Variants in ANKRD42 observed in about 807,000 individuals in gnomAD.
The protein encoded by ANKRD42 is ankyrin repeat domain-containing protein 42.
Under a neutral mutation model 51.5 loss-of-function variants are expected in ANKRD42, and 43 were observed. The observed-to-expected ratio is 0.83, with a 90% CI of 0.65 to 1.08. ANKRD42 has a LOEUF of 1.08. Ranked by LOEUF, ANKRD42 falls within the 50% of genes least tolerant of loss-of-function variation. The probability of loss-of-function intolerance (pLI) is 0.00; values close to 1 mark genes in which losing one functional copy is unlikely to be tolerated. For synonymous variants in ANKRD42, 203 were observed against 213.0 expected, an observed-to-expected ratio of 0.95 and a Z score of 0.41; for missense variants, 608 against 629.3, an observed-to-expected ratio of 0.97 and a Z score of 0.36.
chr11:83,236,471 C>T lies in ANKRD42; in HGVS notation c.981C>T (p.Thr327=). 6.2e-7 allele frequency: 1 copy of T among 1,611,794 alleles called. No homozygotes were observed. The highest frequency in any genetic ancestry group is 8.5e-7 in the Non-Finnish European group (1 of 1,179,226). ...AAATGGGAGCAGACAGTAATATTAC[C>T]AACAAAGCAGGGGAGAGACCCAGTG... ...LIKMGADSNI[T]NKAGERPSDV... is the part of the protein sequence containing the mutation. Residue 327 remains threonine (T), a synonymous_variant, in exon 8 of 11, where the codon ACC becomes ACT. Coordinates refer to ENST00000533342, the MANE Select transcript of ANKRD42 (RefSeq NM_001300975.2).
At chr11:83,240,525 A>G (rs1863354460) in intron 8 of ANKRD42, among the ~76,000 whole-genome samples, 1 of 152,204 alleles carries the variant, frequency 6.6e-6, no homozygotes, top group African/African-American at 2.4e-5. Flanking sequence ...TTTGCCAATA[A>G]AAATTATGGA....
chr11:83,229,657 T>C (rs1863007592), intron 7 of ANKRD42, among the ~76,000 whole-genome samples: 1 of 152,154 alleles, frequency 6.6e-6, no homozygotes, highest in Non-Finnish European at 1.5e-5. Flanking sequence ...AAGGTGTTTT[T>C]AATATAGATG....
chr11:83,217,684 G>C (rs922467845), intron 5 of ANKRD42, among the ~76,000 whole-genome samples: 1 of 152,202 alleles, frequency 6.6e-6, no homozygotes, highest in African/African-American at 2.4e-5. Flanking sequence ...CTGGCCCAGA[G>C]GGCCTTTGTC....
chr11:83,257,044 A>G (rs773329062), downstream of ANKRD42, among the ~76,000 whole-genome samples: 9 of 152,212 alleles, frequency 5.9e-5, no homozygotes, highest in Non-Finnish European at 1.0e-4. Context: ...TATAGATTGA[A>G]AGCCACAGAA....
intron 6 of ANKRD42, among the ~76,000 whole-genome samples, chr11:83,225,772 C>A (rs1156842741): frequency 9.4e-6 from 1 of 106,742 alleles, no homozygotes; most frequent in Non-Finnish European, 1.7e-5. Context: ...AAGAGCGAAA[C>A]TCCATCCTGG....
chr11:83,200,504 AATC>A (rs1279551997), intron 2 of ANKRD42, among the ~76,000 whole-genome samples: 2 of 152,190 alleles, frequency 1.3e-5, no homozygotes, highest in Non-Finnish European at 2.9e-5. Context: ...ATAGCCTTTG[AATC>A]ATCATTGAGT....
chr11:83,254,935 A>G (rs1265523362), intron 11 of ANKRD42, among the ~76,000 whole-genome samples: 1 of 152,162 alleles, frequency 6.6e-6, no homozygotes, highest in East Asian at 1.9e-4. Context: ...CCTACTCTCA[A>G]GTTTGCAGCT....
chr11:83,242,195 G>A (rs1267382636), intron 9 of ANKRD42, among the ~76,000 whole-genome samples: 2 of 151,982 alleles, frequency 1.3e-5, no homozygotes, highest in Non-Finnish European at 2.9e-5. Flanking sequence ...CCTGGTTCTT[G>A]AAAAAAATCA....
chr11:83,233,619 T>C (rs777695750), intron 7 of ANKRD42, among the ~76,000 whole-genome samples: 12 of 152,208 alleles, frequency 7.9e-5, no homozygotes, highest in Non-Finnish European at 1.5e-4. Context: ...TTTCTTTTAC[T>C]AATTTTGTAT....
intron 9 of ANKRD42, among the ~76,000 whole-genome samples, chr11:83,242,350 C>G (rs1340130770): frequency 1.3e-5 from 2 of 152,006 alleles, no homozygotes; most frequent in African/African-American, 2.4e-5. Flanking sequence ...GCAGGGAAAT[C>G]AGTTAGGGGG....
chr11:83,248,269 C>G lies in ANKRD42; in HGVS notation c.*65C>G. 7.0e-7 allele frequency: 1 copy of G among 1,426,240 alleles called. No homozygotes were observed. Among genetic ancestry groups the G allele is most frequent in the Admixed American group, 2.9e-5 (1 of 34,994 alleles). The allele number at this position is 1,426,240 out of a possible 1,614,324, so 88.3% of individuals were successfully genotyped here. A position where few individuals can be genotyped will look rare whatever the true frequency, so the allele number is the denominator to read the frequency against. On this transcript the variant is annotated 3_prime_UTR_variant, in exon 11 of 11. Coordinates refer to ENST00000533342, the MANE Select transcript of ANKRD42 (RefSeq NM_001300975.2). ...AACTGGAGATGATAACTTATACTTTCTAGAGCTGATGACAGGATTAAAGGA... is the reference window on the plus strand; with the variant it reads ...AACTGGAGATGATAACTTATACTTTGTAGAGCTGATGACAGGATTAAAGGA...
At chr11:83,233,466 T>C (rs1565192464) in intron 7 of ANKRD42, among the ~76,000 whole-genome samples, 1 of 152,186 alleles carries the variant, frequency 6.6e-6, no homozygotes, top group East Asian at 1.9e-4. Flanking sequence ...TATTTGGATC[T>C]TCTCTCTTTT....
At chr11:83,241,066 T>C (rs625102) in intron 9 of ANKRD42, 132 bp downstream of exon 9, 717,551 of 1,050,600 alleles carry the variant, frequency 0.68, 247,894 homozygotes, top group African/African-American at 0.84. Context: ...TTGGAGGAAC[T>C]AGAACTAATA....
At chr11:83,250,879 C>T (rs1462443435), downstream of ANKRD42, among the ~76,000 whole-genome samples, 3 of 152,100 alleles carry the variant, frequency 2.0e-5, no homozygotes. Context: ...CACTGCTTCC[C>T]TAGTTTAGGT....
chr11:83,213,314 A>G lies in ANKRD42; in HGVS notation c.586+1884A>G, dbSNP rs866351943. The G allele has an allele frequency of 1.6e-5, 25 of 1,588,850 alleles. No homozygotes were observed. The South Asian group carries it at 1.7e-4, about 10-fold the overall frequency. On this transcript the variant is annotated intron_variant, in intron 5 of 10. Transcript: ENST00000533342. ...CTGTGCTGAGATGTTTCCTCCAAGA[A>G]CTGCAAAGCCATCGTGGAAAGAGCT...
chr11:83,247,260 G>T (rs1040745245), intron 10 of ANKRD42, among the ~76,000 whole-genome samples: 2 of 151,956 alleles, frequency 1.3e-5, no homozygotes, highest in Non-Finnish European at 2.9e-5. Context: ...GTAGAGATAG[G>T]GTTACACCGT....
At chr11:83,196,396 A>AGTGTGTGTGTGT (rs1428938974) in intron 1 of ANKRD42, among the ~76,000 whole-genome samples, 4 of 133,036 alleles carry the variant, frequency 3.0e-5, no homozygotes, top group African/African-American at 1.1e-4. Flanking sequence ...TGAGTGTGTG[A>AGTGTGTGTGTGT]GAGTGTGTGT....
At chr11:83,262,383 AT>A (rs1459248456), downstream of ANKRD42, among the ~76,000 whole-genome samples, 1 of 152,150 alleles carries the variant, frequency 6.6e-6, no homozygotes, top group Non-Finnish European at 1.5e-5. Context: ...TTTTCAGTAC[AT>A]TTTTAAATAA....
At position 83,211,318 on chromosome 11, in the gene ANKRD42, A is replaced by G. The variant is rs778067929; in HGVS notation, c.474A>G (p.Arg158=). 2 of 1,614,212 alleles carry G rather than the reference A, an allele frequency of 1.2e-6. No individual in the cohort carries two copies. Among genetic ancestry groups the G allele is most frequent in the African/African-American group, 2.7e-5 (2 of 75,058 alleles). ...AGGATCCCAGTGTGACTGATAAGAGAGAATGGAGACCTGTGCATTATGCAG... is the reference window on the plus strand; with the variant it reads ...AGGATCCCAGTGTGACTGATAAGAGGGAATGGAGACCTGTGCATTATGCAG... ...SGVDPSVTDK[R]EWRPVHYAAF... The change falls in exon 5 of 11, where the codon AGA becomes AGG. Residue 158 remains arginine (R), a synonymous_variant. Coordinates refer to ENST00000533342, the MANE Select transcript of ANKRD42 (RefSeq NM_001300975.2).
Sources: gnomAD v4.1 joint callset for allele counts (sites outside exome capture counted in the v4.1 genomes callset) on GRCh38, gnomAD v4.1.1 for gene constraint, MANE v1.5 for transcripts, NCBI Gene and HGNC (gene_info 2026-07-23, HGNC 2026-07-21) for gene names.